The following FBLN2 variants were observed in gnomAD, a reference collection of about 807,000 sequenced individuals.
The protein encoded by FBLN2 is fibulin-2.
A neutral mutation model predicts 123.7 loss-of-function variants in FBLN2; 81 were observed. That is an observed-to-expected ratio of 0.65 (90% CI 0.55 to 0.79). FBLN2 has a LOEUF of 0.79. FBLN2 is among the 30% of genes least tolerant of loss of function. The pLI, the probability that FBLN2 is intolerant of heterozygous loss-of-function variation, is 0.00. For synonymous variants in FBLN2, 699 were observed against 701.4 expected, an observed-to-expected ratio of 1.00 and a Z score of 0.05; for missense variants, 1,603 against 1,681.3, an observed-to-expected ratio of 0.95 and a Z score of 0.81.
At chr3:13,621,070 C>A (rs1559423454) in intron 8 of FBLN2, among the ~76,000 whole-genome samples, 1 of 152,230 alleles carries the variant, frequency 6.6e-6, no homozygotes. Flanking sequence ...TGTGAGGCCC[C>A]TCTGCCTGTG....
intron 5 of FBLN2, among the ~76,000 whole-genome samples, chr3:13,615,388 G>C (rs1705563008): frequency 6.6e-6 from 1 of 152,166 alleles, no homozygotes; most frequent in African/African-American, 2.4e-5. Flanking sequence ...CCGTCATCTG[G>C]GGCCCCTGTG....
At position 13,629,006 on chromosome 3, in the gene FBLN2, G is replaced by A. The variant is rs745317890; in HGVS notation, c.2671G>A (p.Ala891Thr). The change falls in exon 12 of 18, where the codon GCG becomes ACG. Residue 891 changes from alanine to threonine, a missense_variant. Ala to Thr is a moderately conservative substitution (Grantham distance 58). Coordinates refer to ENST00000404922, the MANE Select transcript of FBLN2 (RefSeq NM_001004019.2). ...ATGCCAGAGGAACCCGCTGATCTGC[G>A]CGCGCGGCTACCACGCCAGCGATGA... ...YTCQRNPLIC[A>T]RGYHASDDGT... 1.1e-5 allele frequency: 17 copies of A among 1,613,284 alleles called. No individual in the cohort carries two copies. Among genetic ancestry groups the A allele is most frequent in the Admixed American group, 6.7e-5 (4 of 59,954 alleles).
intron 4 of FBLN2, among the ~76,000 whole-genome samples, chr3:13,610,125 C>T (rs776348102): frequency 2.6e-5 from 4 of 152,046 alleles, no homozygotes; most frequent in Non-Finnish European, 4.4e-5. Context: ...GTGCAATGCC[C>T]GGGGTGGGGG....
chr3:13,592,022 T>C (rs1018385856), intron 2 of FBLN2, among the ~76,000 whole-genome samples: 8 of 149,540 alleles, frequency 5.3e-5, no homozygotes, highest in Non-Finnish European at 1.0e-4. Context: ...TCTTTTCTTT[T>C]TTTTTTTTTT....
intron 1 of FBLN2, among the ~76,000 whole-genome samples, chr3:13,556,649 GCTT>G (rs1703472143): frequency 6.6e-6 from 1 of 152,234 alleles, no homozygotes; most frequent in African/African-American, 2.4e-5. Context: ...GGAGGCCATG[GCTT>G]CCTGTGCATG....
At chr3:13,590,879 G>C (rs890017359) in intron 2 of FBLN2, among the ~76,000 whole-genome samples, 2 of 152,194 alleles carry the variant, frequency 1.3e-5, no homozygotes, top group African/African-American at 2.4e-5. Context: ...GAGCATTCTC[G>C]TCTGCGTCTT....
intron 2 of FBLN2, among the ~76,000 whole-genome samples, chr3:13,578,527 CATT>C (rs1005592775): frequency 6.6e-6 from 1 of 152,212 alleles, no homozygotes; most frequent in Non-Finnish European, 1.5e-5. Flanking sequence ...TAGCATGTGT[CATT>C]AATTCCTTTT....
chr3:13,612,374 C>G (rs1705433590), intron 4 of FBLN2, among the ~76,000 whole-genome samples: 1 of 101,828 alleles, frequency 9.8e-6, no homozygotes. Flanking sequence ...GTCTGTCTCT[C>G]TGTCTGTCTG....
At chr3:13,610,976 C>T (rs867463274) in intron 4 of FBLN2, among the ~76,000 whole-genome samples, 59 of 151,918 alleles carry the variant, frequency 3.9e-4, no homozygotes, top group African/African-American at 1.2e-3. Context: ...GGTACGATCT[C>T]GTCTCACTGC....
chr3:13,569,070 A>G (rs1427084222), intron 1 of FBLN2: 3 of 986,282 alleles, frequency 3.0e-6, no homozygotes, highest in Non-Finnish European at 3.6e-6. Flanking sequence ...CACGCTGTCT[A>G]TAAGAGTCAG....
rs147781242 is a variant in FBLN2 at position 13,568,443 on chromosome 3, C to T, written c.-41-1872C>T. Among the ~76,000 whole-genome samples the T allele has an allele frequency of 2.0e-3, 311 of 152,368 alleles. 2 individuals carry two copies. Among genetic ancestry groups the T allele is most frequent in the Admixed American group, 3.7e-3 (56 of 15,308 alleles). ...CTCCCTGCTGGCTCCCGTGTCTCAG[C>T]GCAGTGGGCAGCTGGGTGGGTCCCT... On this transcript the variant is annotated intron_variant, in intron 1 of 17. Transcript: ENST00000404922.
rs1396007786 is a variant in FBLN2, at chr3:13,562,973, C to T, written c.-41-7342C>T. On this transcript the variant is annotated intron_variant, in intron 1 of 17. Coordinates refer to ENST00000404922, the MANE Select transcript of FBLN2 (RefSeq NM_001004019.2). Reference sequence around the variant, plus strand: ...GCACGGGTCAGAATGCCCCTCCTTTCAAGGCTGATAATGTTGCATTGTATG... The same window carrying T: ...GCACGGGTCAGAATGCCCCTCCTTTTAAGGCTGATAATGTTGCATTGTATG... Among the ~76,000 whole-genome samples the T allele has an allele frequency of 2.0e-5, 3 of 152,322 alleles. No individual in the cohort carries two copies. The East Asian group carries it at 5.8e-4, about 29-fold the overall frequency.
In FBLN2 at chr3:13,638,345, G is replaced by T; in HGVS notation, c.*426G>T. 2.7e-6 allele frequency: 1 copy of T among 364,676 alleles called. No individual in the cohort carries two copies. Among genetic ancestry groups the T allele is most frequent in the Non-Finnish European group, 5.0e-6 (1 of 199,498 alleles). 22.6% of individuals were successfully genotyped at this position (364,676 alleles called of 1,614,324 possible). On this transcript the variant is annotated 3_prime_UTR_variant, in exon 18 of 18. Coordinates refer to ENST00000404922, the MANE Select transcript of FBLN2 (RefSeq NM_001004019.2). The stretch of plus-strand genomic sequence containing the variant: ...TTTGTTTAACTATAAAGTAGTACAT[G>T]TACATTATATAAAAAAAAGTTCAAC...
chr3:13,595,053 C>T (rs2124861537), intron 2 of FBLN2, among the ~76,000 whole-genome samples: 1 of 152,350 alleles, frequency 6.6e-6, no homozygotes, highest in East Asian at 1.9e-4. Flanking sequence ...TCTCTTTCCA[C>T]AGCTGTCTGC....
At chr3:13,632,774 A>ATTTCTGTG in intron 16 of FBLN2, among the ~76,000 whole-genome samples, 1 of 152,108 alleles carries the variant, frequency 6.6e-6, no homozygotes, top group Non-Finnish European at 1.5e-5. Context: ...ACTGACTGGG[A>ATTTCTGTG]GGCCTGCTCG....
intron 5 of FBLN2, among the ~76,000 whole-genome samples, chr3:13,617,201 T>G (rs1426630073): frequency 6.7e-6 from 1 of 150,364 alleles, no homozygotes; most frequent in Non-Finnish European, 1.5e-5. Context: ...CATCCATCCA[T>G]CTACCTACCT....
rs1279182109 is a variant in FBLN2, at chr3:13,631,440, A to G, written c.3197A>G (p.Asn1066Ser). Residue 1066 changes from asparagine to serine, a missense_variant, in exon 16 of 18, where the codon AAC becomes AGC. Physicochemically the swap from Asn to Ser is conservative, Grantham distance 46. Coordinates refer to ENST00000404922, the MANE Select transcript of FBLN2 (RefSeq NM_001004019.2). Reference sequence around the variant, plus strand: ...GAGCAGGGCTACACCATGACGGCCAACGGGAGGTCCTGCAAGGGTGAGCAA... The same window carrying G: ...GAGCAGGGCTACACCATGACGGCCAGCGGGAGGTCCTGCAAGGGTGAGCAA... The part of the protein sequence containing the change: ...CPEQGYTMTA[N>S]GRSCKDVDEC... 2 of 1,594,412 alleles carry G rather than the reference A, an allele frequency of 1.3e-6. No homozygotes were observed. Among genetic ancestry groups the G allele is most frequent in the Non-Finnish European group, 8.5e-7 (1 of 1,170,666 alleles).
intron 13 of FBLN2, 58 bp from the exon 14 acceptor site, chr3:13,629,762 G>A (rs1706188701): frequency 8.5e-6 from 13 of 1,531,456 alleles, no homozygotes; most frequent in Non-Finnish European, 1.1e-5. Context: ...GCCCTTGGGG[G>A]TGGAGGGAGC....
In FBLN2 at chr3:13,570,651, C is replaced by T; in HGVS notation, c.296C>T (p.Ser99Phe). The T allele has an allele frequency of 1.3e-6, 2 of 1,584,264 alleles. No homozygotes were observed. Among genetic ancestry groups the T allele is most frequent in the Non-Finnish European group, 1.7e-6 (2 of 1,166,710 alleles). ...YFVDFGSTEC[S>F]CPPGGGKISC... is the part of the protein sequence containing the mutation. ...GTGGACTTCGGGAGCACTGAGTGCT[C>T]CTGCCCACCAGGCGGCGGCAAGATC... The change falls in exon 2 of 18, where the codon TCC (serine) becomes TTC (phenylalanine). Residue 99 changes from serine to phenylalanine, a missense_variant. Ser to Phe is a radical substitution (Grantham distance 155, BLOSUM62 -2). Transcript: ENST00000404922.
Sources: gnomAD v4.1 joint callset for allele counts (sites outside exome capture counted in the v4.1 genomes callset) on GRCh38, gnomAD v4.1.1 for gene constraint, MANE v1.5 for transcripts, NCBI Gene and HGNC (gene_info 2026-07-23, HGNC 2026-07-21) for gene names.